Variants in AP3S2 observed in about 807,000 individuals in gnomAD.
The protein encoded by AP3S2 is AP-3 complex subunit sigma-2.
A neutral mutation model predicts 23.4 loss-of-function variants in AP3S2; 22 were observed. The observed-to-expected ratio is 0.94, with a 90% CI of 0.67 to 1.34. The LOEUF (loss-of-function observed/expected upper bound fraction) is 1.34. Among genes scored for constraint, AP3S2 ranks in the 40% most tolerant of loss-of-function variants. The pLI, the probability that AP3S2 is intolerant of heterozygous loss-of-function variation, is 0.00. For synonymous variants in AP3S2, 86 were observed against 87.1 expected, an observed-to-expected ratio of 0.99 and a Z score of 0.07; for missense variants, 241 against 236.9, an observed-to-expected ratio of 1.02 and a Z score of -0.11.
Position 89,888,395 on chromosome 15 carries a change from G to T in AP3S2, c.273+126C>A. On this transcript the variant is annotated intron_variant, in intron 3 of 5. Transcript: ENST00000336418. Reference sequence around the variant, plus strand: ...CAGGAGCTCTCCCAGAGCACCATCTGGTGGACATCTGGCAACTTTTACTAG... The same window carrying T: ...CAGGAGCTCTCCCAGAGCACCATCTTGTGGACATCTGGCAACTTTTACTAG... 6 of 809,796 alleles carry T rather than the reference G, an allele frequency of 7.4e-6. No individual in the cohort carries two copies. In the South Asian group the frequency reaches 1.1e-4, roughly 15 times the overall value. The allele number at this position is 809,796 out of a possible 1,614,324, so 50.2% of individuals were successfully genotyped here. A position where few individuals can be genotyped will look rare whatever the true frequency, so the allele number is the denominator to read the frequency against.
chr15:89,848,218 A>T (rs1401615380), intron 4 of AP3S2, among the ~76,000 whole-genome samples: 1 of 152,236 alleles, frequency 6.6e-6, no homozygotes, highest in Non-Finnish European at 1.5e-5. Flanking sequence ...GAAGACAAAA[A>T]CACTAATCAA....
chr15:89,856,416 T>C (rs1013865138), intron 4 of AP3S2, among the ~76,000 whole-genome samples: 5 of 151,114 alleles, frequency 3.3e-5, no homozygotes, highest in Non-Finnish European at 5.9e-5. Context: ...ATACAAAAAT[T>C]AGGGCTGGGC....
intron 4 of AP3S2, among the ~76,000 whole-genome samples, chr15:89,841,758 C>T (rs1335514157): frequency 6.6e-6 from 1 of 152,016 alleles, no homozygotes; most frequent in Non-Finnish European, 1.5e-5. Flanking sequence ...TTTGGTAGCT[C>T]CTCCAACAAA....
intron 4 of AP3S2, among the ~76,000 whole-genome samples, chr15:89,858,910 A>G (rs1024760555): frequency 2.6e-5 from 4 of 152,250 alleles, no homozygotes; most frequent in African/African-American, 7.2e-5. Flanking sequence ...CAGGTAATCA[A>G]TGAGATTGTG....
intron 4 of AP3S2, among the ~76,000 whole-genome samples, chr15:89,868,231 G>C (rs1158421138): frequency 6.5e-5 from 3 of 46,314 alleles, no homozygotes; most frequent in African/African-American, 1.6e-4. Context: ...TCAGCCCTCC[G>C]CCCGGCCAGC....
chr15:89,878,161 T>C, intron 3 of AP3S2: 1 of 545,062 alleles, frequency 1.8e-6, no homozygotes, highest in East Asian at 3.2e-5. Context: ...TTGCCACTGG[T>C]ACATAATCCA....
chr15:89,855,222 C>T (rs1475983618), intron 4 of AP3S2, among the ~76,000 whole-genome samples: 1 of 83,008 alleles, frequency 1.2e-5, no homozygotes, highest in Non-Finnish European at 2.5e-5. Context: ...GATCTGTGAC[C>T]TTACCCCCAA....
intron 4 of AP3S2, 78 bp from the exon 5 acceptor site, chr15:89,837,800 C>T: frequency 6.4e-7 from 1 of 1,563,692 alleles, no homozygotes; most frequent in Admixed American, 1.7e-5. Flanking sequence ...CCTTTTCCTG[C>T]AGCAGCAGAG....
In AP3S2 at chr15:89,832,729, CT is replaced by C. The variant is rs1895106736; in HGVS notation, c.*2785del. The C allele has an allele frequency of 6.6e-6, 1 of 152,154 alleles. No individual in the cohort carries two copies. The highest frequency in any genetic ancestry group is 1.5e-5 in the Non-Finnish European group (1 of 68,056). The allele number at this position is 152,154 out of a possible 1,614,324, so 9.4% of individuals were successfully genotyped here. On this transcript the variant is annotated 3_prime_UTR_variant, in exon 6 of 6. Transcript: ENST00000336418. Reference sequence around the variant, plus strand: ...GGTCTCGATCTCCTGACCTCGTGATCTGCCCGCCTCGGCCTCCCAAAGTGCT... The same window carrying C: ...GGTCTCGATCTCCTGACCTCGTGATCGCCCGCCTCGGCCTCCCAAAGTGCT...
At chr15:89,867,052 A>C (rs1596206685) in intron 4 of AP3S2, among the ~76,000 whole-genome samples, 5 of 93,500 alleles carry the variant, frequency 5.3e-5, no homozygotes, top group East Asian at 3.9e-4. Flanking sequence ...CCCTCTCCCC[A>C]CGGTCTCCCT....
intron 4 of AP3S2, among the ~76,000 whole-genome samples, chr15:89,854,406 C>T (rs1895755082): frequency 1.8e-5 from 1 of 54,842 alleles, no homozygotes. Flanking sequence ...GGGGTCAGCC[C>T]TCCGCCCGGC....
Position 89,837,656 on chromosome 15 carries a change from C to A in AP3S2, c.412G>T (p.Val138Leu). The change falls in exon 5 of 6, where the codon GTG (valine) becomes TTG (leucine). Residue 138 changes from valine to leucine, a missense_variant. Physicochemically the swap from Val to Leu is conservative, Grantham distance 32 (BLOSUM62 1). Transcript: ENST00000336418. ...MVLETNMNEI[V>L]AQIEAQNRLE... is the part of the protein sequence containing the mutation. ...CTGTTTTGAGCCTCAATCTGAGCCA[C>A]GATTTCATTCATGTTTGTTTCCAAC... 1 of 1,614,174 alleles carries A rather than the reference C, an allele frequency of 6.2e-7. No individual in the cohort carries two copies.
chr15:89,877,197 A>G, intron 3 of AP3S2: 3 of 599,986 alleles, frequency 5.0e-6, no homozygotes, highest in South Asian at 4.4e-5. Flanking sequence ...TTAGAAATTT[A>G]GATGCTCAGT....
At chr15:89,874,767 C>CAAG (rs1896402323) in intron 3 of AP3S2, among the ~76,000 whole-genome samples, 2 of 151,984 alleles carry the variant, frequency 1.3e-5, no homozygotes, top group Non-Finnish European at 1.5e-5. Context: ...GAGTGACATA[C>CAAG]CAAGACCTTG....
intron 4 of AP3S2, 132 bp from the exon 5 acceptor site, chr15:89,837,854 A>AC: frequency 1.0e-6 from 1 of 1,002,350 alleles, no homozygotes; most frequent in Non-Finnish European, 1.4e-6. Flanking sequence ...AGACACTCAA[A>AC]CCCCCCTGCC....
intron 4 of AP3S2, among the ~76,000 whole-genome samples, chr15:89,855,993 CCT>C (rs1895826308): frequency 6.8e-6 from 1 of 146,964 alleles, no homozygotes; most frequent in South Asian, 2.2e-4. Context: ...TGATATCATC[CCT>C]GTTTTACAAC....
Position 89,832,811 on chromosome 15 carries a change from G to C in AP3S2, c.*2704C>G, listed in dbSNP as rs1895108649. On this transcript the variant is annotated 3_prime_UTR_variant, in exon 6 of 6. Coordinates refer to ENST00000336418, the MANE Select transcript of AP3S2 (RefSeq NM_005829.5). ...CCAACCTTAACCTATTTTTAAAAAA[G>C]ATGTTTATGGCTTTGCTGATAGCAG... 1 of 152,180 alleles carries C rather than the reference G, an allele frequency of 6.6e-6. No individual in the cohort carries two copies. The highest frequency in any genetic ancestry group is 1.5e-5 in the Non-Finnish European group (1 of 68,036). The allele number at this position is 152,180 out of a possible 1,614,324, so 9.4% of individuals were successfully genotyped here.
intron 4 of AP3S2, among the ~76,000 whole-genome samples, chr15:89,839,543 G>C (rs1895275899): frequency 6.6e-6 from 1 of 152,162 alleles, no homozygotes; most frequent in South Asian, 2.1e-4. Context: ...ATTATTCCCT[G>C]GGGGAATTCC....
chr15:89,848,906 A>G (rs973992500), intron 4 of AP3S2: 19 of 152,150 alleles, frequency 1.2e-4, no homozygotes, highest in African/African-American at 4.6e-4. Flanking sequence ...GAGGAAGAAG[A>G]TATCTTTATG....
Sources: gnomAD v4.1 joint callset for allele counts (sites outside exome capture counted in the v4.1 genomes callset) on GRCh38, gnomAD v4.1.1 for gene constraint, MANE v1.5 for transcripts, NCBI Gene and HGNC (gene_info 2026-07-23, HGNC 2026-07-21) for gene names.